CTRB1: variants seen among roughly 807,000 people sequenced by gnomAD.
CTRB1 encodes chymotrypsinogen B.
A neutral mutation model predicts 20.4 loss-of-function variants in CTRB1; 15 were observed. The ratio of observed to expected loss-of-function variants is 0.74; its 90% confidence interval spans 0.49 to 1.13. The LOEUF (loss-of-function observed/expected upper bound fraction) is 1.13. Ranked by LOEUF, CTRB1 falls within the 50% of genes most tolerant of loss-of-function variation. The pLI is 0.00. For synonymous variants in CTRB1, 92 were observed against 128.4 expected, an observed-to-expected ratio of 0.72 and a Z score of 1.92; for missense variants, 227 against 290.1, an observed-to-expected ratio of 0.78 and a Z score of 1.58.
At position 75,224,696 on chromosome 16, in the gene CTRB1, C is replaced by CT. The variant is rs746029945; in HGVS notation, c.631-8dup. 6.2e-6 allele frequency: 10 copies of CT among 1,602,718 alleles called. No homozygotes were observed. Among genetic ancestry groups the CT allele is most frequent in the Middle Eastern group, 1.7e-4 (1 of 5,960 alleles). On this transcript the variant is annotated splice_polypyrimidine_tract_variant and intron_variant, in intron 6 of 6. Transcript: ENST00000361017. ...GCCAGATCCAAGCCCCCTTCTCCCT[C>CT]TCCCACAGGGCGACTCTGGCGGCCC...
In CTRB1 at chr16:75,222,636, G is replaced by GA. The variant is rs1213019225; in HGVS notation, c.53-131dup. The stretch of plus-strand genomic sequence containing the variant: ...TAGAGACTTGGGGACCAGGGAGGCG[G>GA]AGGCGGCATGTGCCAGGGAGGTCCT... On this transcript the variant is annotated intron_variant, in intron 1 of 6. Coordinates refer to ENST00000361017, the MANE Select transcript of CTRB1 (RefSeq NM_001906.6). 3.2e-6 allele frequency: 3 copies of GA among 952,064 alleles called. No homozygotes were observed. In the South Asian group the frequency reaches 5.2e-5, roughly 17 times the overall value. The allele number at this position is 952,064 out of a possible 1,614,324, so 59.0% of individuals were successfully genotyped here. A position where few individuals can be genotyped will look rare whatever the true frequency, so the allele number is the denominator to read the frequency against.
At chr16:75,221,412 T>C (rs916456664) in intron 1 of CTRB1, among the ~76,000 whole-genome samples, 3 of 152,126 alleles carry the variant, frequency 2.0e-5, no homozygotes, top group Non-Finnish European at 2.9e-5. Flanking sequence ...CAGGCTGGAG[T>C]GCAGTGGCAC....
intron 1 of CTRB1, 185 bp from the exon 2 acceptor site, chr16:75,222,583 C>G: frequency 3.2e-6 from 2 of 631,606 alleles, no homozygotes; most frequent in East Asian, 5.6e-5. Context: ...CTGGAGCCAG[C>G]AGGCCGAGAG....
At chr16:75,222,064 G>GAAAAA (rs71158588) in intron 1 of CTRB1, among the ~76,000 whole-genome samples, 5 of 108,604 alleles carry the variant, frequency 4.6e-5, no homozygotes, top group Admixed American at 1.0e-4. Context: ...GTCTCAAAAA[G>GAAAAA]AAAAAAAAAA....
At chr16:75,219,960 A>C (rs1040187138) in intron 1 of CTRB1, among the ~76,000 whole-genome samples, 2 of 152,150 alleles carry the variant, frequency 1.3e-5, no homozygotes, top group African/African-American at 4.8e-5. Flanking sequence ...GGTTACATCA[A>C]TGGAACGGTA....
chr16:75,221,133 T>C (rs2039077903), intron 1 of CTRB1, among the ~76,000 whole-genome samples: 1 of 151,986 alleles, frequency 6.6e-6, no homozygotes, highest in Non-Finnish European at 1.5e-5. Flanking sequence ...GGCTGCCTTG[T>C]AAGCAGGCGA....
At chr16:75,222,547 T>A (rs1432604710) in intron 1 of CTRB1, 12 of 590,046 alleles carry the variant, frequency 2.0e-5, no homozygotes, top group African/African-American at 5.6e-5. Context: ...GGAGGAGACA[T>A]GACGCTCTGC....
chr16:75,221,467 C>A (rs2039083164), intron 1 of CTRB1, among the ~76,000 whole-genome samples: 1 of 152,146 alleles, frequency 6.6e-6, no homozygotes, highest in Admixed American at 6.5e-5. Context: ...TCAAGCGATT[C>A]TCCTGCCTCA....
intron 1 of CTRB1, 78 bp downstream of exon 1, chr16:75,219,137 T>G: frequency 2.1e-6 from 3 of 1,457,956 alleles, no homozygotes; most frequent in Non-Finnish European, 2.8e-6. Context: ...TCCCCTGCTC[T>G]GCCCCCTGGG....
chr16:75,219,004 C>A lies in CTRB1; in HGVS notation c.-4C>A. ...GCAGGCCCCACACCTTCTGAGGCAG[C>A]GGCATGGCTTCCCTCTGGCTCCTCT... On this transcript the variant is annotated 5_prime_UTR_variant, in exon 1 of 7. Coordinates refer to ENST00000361017, the MANE Select transcript of CTRB1 (RefSeq NM_001906.6). 3 of 1,584,028 alleles carry A rather than the reference C, an allele frequency of 1.9e-6. No homozygotes were observed. Among genetic ancestry groups the A allele is most frequent in the Non-Finnish European group, 2.6e-6 (3 of 1,166,796 alleles).
rs1386451348 is a variant in CTRB1 at position 75,223,589 on chromosome 16, CTG to C, written c.462_463del (p.Ala155HisfsTer16). 6.9e-6 allele frequency: 4 copies of C among 581,192 alleles called. No individual in the cohort carries two copies. Among genetic ancestry groups the C allele is most frequent in the Non-Finnish European group, 1.1e-5 (4 of 355,122 alleles). 36.0% of individuals were successfully genotyped at this position (581,192 alleles called of 1,614,324 possible). A position where few individuals can be genotyped will look rare whatever the true frequency, so the allele number is the denominator to read the frequency against. On this transcript the variant is annotated frameshift_variant, in exon 5 of 7. Coordinates refer to ENST00000361017, the MANE Select transcript of CTRB1 (RefSeq NM_001906.6). LOFTEE classifies it high-confidence loss of function. ...SADDDFPAGT[L>X]CATTGWGKTK... ...CGACGACGACTTCCCCGCGGGGACA[CTG>C]TGTGCCACCACAGGCTGGGGCAAGA...
chr16:75,219,118 G>C, intron 1 of CTRB1, 59 bp downstream of exon 1: 1 of 1,529,140 alleles, frequency 6.5e-7, no homozygotes, highest in South Asian at 1.2e-5. Context: ...GCTGAGAGGG[G>C]GATCTGAGTC....
At chr16:75,221,291 T>G (rs1437498592) in intron 1 of CTRB1, among the ~76,000 whole-genome samples, 1 of 152,208 alleles carries the variant, frequency 6.6e-6, no homozygotes, top group African/African-American at 2.4e-5. Flanking sequence ...AACACCTGAC[T>G]ATTTTCATTG....
chr16:75,219,782 C>G (rs6564238), intron 1 of CTRB1, among the ~76,000 whole-genome samples: 59,926 of 152,100 alleles, frequency 0.39, 14,246 homozygotes, highest in African/African-American at 0.67. Flanking sequence ...TCTTTTTGCA[C>G]ATTTGCTTCA....
At position 75,224,808 on chromosome 16, in the gene CTRB1, T is replaced by C; in HGVS notation, c.734T>C (p.Val245Ala). ...SDTCSTSSPGVYARVTKLIPW... is the reference protein window; with the variant it reads ...SDTCSTSSPGAYARVTKLIPW... Reference sequence around the variant, plus strand: ...ACCTGCTCCACCTCCAGCCCTGGCGTGTACGCCCGTGTCACCAAGCTCATA... The same window carrying C: ...ACCTGCTCCACCTCCAGCCCTGGCGCGTACGCCCGTGTCACCAAGCTCATA... The change falls in exon 7 of 7, where the codon GTG (valine) becomes GCG (alanine). Residue 245 changes from valine (V) to alanine (A), a missense_variant. Val to Ala is a moderately conservative substitution (Grantham distance 64). Coordinates refer to ENST00000361017, the MANE Select transcript of CTRB1 (RefSeq NM_001906.6). 1.9e-6 allele frequency: 3 copies of C among 1,613,972 alleles called. No individual in the cohort carries two copies. Among genetic ancestry groups the C allele is most frequent in the Non-Finnish European group, 2.5e-6 (3 of 1,180,024 alleles).
At chr16:75,222,662 G>C in intron 1 of CTRB1, 106 bp from the exon 2 acceptor site, 3 of 1,286,244 alleles carry the variant, frequency 2.3e-6, no homozygotes, top group Non-Finnish European at 2.1e-6. Flanking sequence ...GGGAGGTCCT[G>C]AGCTGGCTTC....
intron 1 of CTRB1, among the ~76,000 whole-genome samples, chr16:75,222,373 C>T (rs1488945036): frequency 6.6e-6 from 1 of 152,264 alleles, no homozygotes; most frequent in South Asian, 2.1e-4. Flanking sequence ...GTGGAGCTCA[C>T]GTGGTTCTGC....
chr16:75,224,662 G>A (rs1275158928), intron 6 of CTRB1, 43 bp from the exon 7 acceptor site: 1 of 1,575,954 alleles, frequency 6.3e-7, no homozygotes, highest in Non-Finnish European at 8.6e-7. Context: ...GGACCAGTCT[G>A]TCTCGGCTGC....
chr16:75,224,278 C>A, intron 6 of CTRB1, 90 bp downstream of exon 6: 1 of 1,544,880 alleles, frequency 6.5e-7, no homozygotes, highest in Non-Finnish European at 8.8e-7. Flanking sequence ...CATCTACTAA[C>A]CCCACTCCTT....
Sources: gnomAD v4.1 joint callset for allele counts (sites outside exome capture counted in the v4.1 genomes callset) on GRCh38, gnomAD v4.1.1 for gene constraint, MANE v1.5 for transcripts, NCBI Gene and HGNC (gene_info 2026-07-23, HGNC 2026-07-21) for gene names.